DNAAF9: variants seen among roughly 807,000 people sequenced by gnomAD.
The protein encoded by DNAAF9 is dynein axonemal assembly factor 9.
A neutral mutation model predicts 167.0 loss-of-function variants in DNAAF9; 90 were observed. That is an observed-to-expected ratio of 0.54 (90% CI 0.45 to 0.64). The LOEUF is 0.64. DNAAF9 is among the 30% of genes least tolerant of loss of function. DNAAF9 has a pLI of 0.00. For synonymous variants in DNAAF9, 491 were observed against 508.8 expected (o/e 0.96, Z 0.47); for missense variants, 1,315 against 1,442.2 (o/e 0.91, Z 1.43).
At chr20:3,302,747 G>C (rs1456276356) in intron 21 of DNAAF9, among the ~76,000 whole-genome samples, 1 of 152,100 alleles carries the variant, frequency 6.6e-6, no homozygotes, top group Non-Finnish European at 1.5e-5. Context: ...CTAATATATA[G>C]GGACAAAAGC....
At chr20:3,325,553 C>T (rs2069695404) in intron 13 of DNAAF9, among the ~76,000 whole-genome samples, 1 of 152,212 alleles carries the variant, frequency 6.6e-6, no homozygotes, top group Non-Finnish European at 1.5e-5. Flanking sequence ...ACTACAGCTA[C>T]AGTCTCTCTG....
intron 1 of DNAAF9, among the ~76,000 whole-genome samples, chr20:3,403,823 A>G (rs2084019963): frequency 6.6e-6 from 1 of 151,906 alleles, no homozygotes; most frequent in Non-Finnish European, 1.5e-5. Flanking sequence ...AAATTAATCA[A>G]TTTATGTTTT....
At chr20:3,307,907 A>G (rs762684018) in intron 20 of DNAAF9, among the ~76,000 whole-genome samples, 15 of 151,030 alleles carry the variant, frequency 9.9e-5, no homozygotes, top group Non-Finnish European at 1.6e-4. Flanking sequence ...TTTATGATGC[A>G]ATGGCTAGAT....
At chr20:3,299,807 T>G (rs1004884001) in intron 21 of DNAAF9, among the ~76,000 whole-genome samples, 13 of 152,178 alleles carry the variant, frequency 8.5e-5, no homozygotes, top group African/African-American at 2.9e-4. Context: ...AATAAGAAAA[T>G]GCATGTGTTA....
At chr20:3,320,591 C>CA (rs1340354173) in intron 16 of DNAAF9, among the ~76,000 whole-genome samples, 1 of 152,100 alleles carries the variant, frequency 6.6e-6, no homozygotes, top group African/African-American at 2.4e-5. Context: ...GAAAGTATTT[C>CA]CCAATGTTTT....
chr20:3,289,994 CA>C, intron 26 of DNAAF9, 134 bp downstream of exon 26: 1 of 683,326 alleles, frequency 1.5e-6, no homozygotes, highest in Non-Finnish European at 2.7e-6. Context: ...CTCAGAAGAG[CA>C]TATTAAATGA....
At chr20:3,336,560 T>C (rs2069954715) in intron 10 of DNAAF9, among the ~76,000 whole-genome samples, 1 of 152,154 alleles carries the variant, frequency 6.6e-6, no homozygotes, top group Admixed American at 6.6e-5. Context: ...GTTATTTATT[T>C]ATTTTTGAGA....
chr20:3,315,142 CA>C lies in DNAAF9; in HGVS notation c.1591-23del. ...CCCCCTTTAAAAACAACAACAAAAA[CA>C]AAAATCCAAAAAAGAATAGGTGATT... On this transcript the variant is annotated intron_variant, in intron 19 of 36. Transcript: ENST00000252032. The surrounding 1 kb of genome is among the most constrained non-coding windows in gnomAD (Gnocchi z 4.1). 1 of 1,382,862 alleles carries C rather than the reference CA, an allele frequency of 7.2e-7. No individual in the cohort carries two copies. Among genetic ancestry groups the C allele is most frequent in the Non-Finnish European group, 1.0e-6 (1 of 972,446 alleles). The allele number at this position is 1,382,862 out of a possible 1,614,324, so 85.7% of individuals were successfully genotyped here. A position where few individuals can be genotyped will look rare whatever the true frequency, so the allele number is the denominator to read the frequency against.
chr20:3,336,845 T>C (rs1017956992), intron 10 of DNAAF9, among the ~76,000 whole-genome samples: 4 of 151,762 alleles, frequency 2.6e-5, no homozygotes, highest in African/African-American at 9.7e-5. Context: ...GCCTGGTCTA[T>C]TTTTACTTTA....
chr20:3,361,912 G>A (rs1267542407), intron 6 of DNAAF9: 1 of 1,503,370 alleles, frequency 6.7e-7, no homozygotes, highest in Admixed American at 1.7e-5. Context: ...TCAGGTGGCT[G>A]AGGGAGTTTC....
chr20:3,310,333 A>AAAAGCAAGAAAAAAGAAAGAAAG (rs2069384205), intron 20 of DNAAF9, among the ~76,000 whole-genome samples: 1 of 106,098 alleles, frequency 9.4e-6, no homozygotes, highest in African/African-American at 3.7e-5. Flanking sequence ...AAGAGAAAGA[A>AAAAGCAAGAAAAAAGAAAGAAAG]AAAGAAAGAA....
At chr20:3,379,575 G>A (rs1218765326) in intron 3 of DNAAF9, among the ~76,000 whole-genome samples, 7 of 151,990 alleles carry the variant, frequency 4.6e-5, no homozygotes, top group African/African-American at 1.5e-4. Context: ...GTGATAGAGC[G>A]AGACTCTGTC....
chr20:3,297,506 A>T (rs1029096847), intron 22 of DNAAF9, among the ~76,000 whole-genome samples: 1 of 152,186 alleles, frequency 6.6e-6, no homozygotes, highest in East Asian at 1.9e-4. Context: ...CACCTTTCCA[A>T]GAATTCCCAC....
At chr20:3,317,946 T>C (rs1025117815) in intron 17 of DNAAF9, among the ~76,000 whole-genome samples, 2 of 152,188 alleles carry the variant, frequency 1.3e-5, no homozygotes, top group African/African-American at 2.4e-5. Flanking sequence ...TCTTCATTTA[T>C]AAATAGTCCT....
chr20:3,349,859 C>T (rs777167848), intron 7 of DNAAF9, among the ~76,000 whole-genome samples: 1 of 152,092 alleles, frequency 6.6e-6, no homozygotes, highest in Non-Finnish European at 1.5e-5. Context: ...TCAAATTGGA[C>T]AGTCATCTTC....
chr20:3,304,350 G>C, intron 21 of DNAAF9, 90 bp downstream of exon 21: 6 of 740,922 alleles, frequency 8.1e-6, no homozygotes, highest in Admixed American at 4.0e-5. Flanking sequence ...CCCTGTGGTA[G>C]TGGAGGGGAG....
intron 1 of DNAAF9, among the ~76,000 whole-genome samples, chr20:3,394,805 G>A (rs77303295): frequency 0.043 from 6,580 of 151,818 alleles, 205 homozygotes; most frequent in African/African-American, 0.089. Flanking sequence ...GGAATACTGC[G>A]CTTAAAAAAA....
intron 1 of DNAAF9, among the ~76,000 whole-genome samples, chr20:3,397,192 A>G (rs2123293925): frequency 6.6e-6 from 1 of 151,784 alleles, no homozygotes; most frequent in South Asian, 2.1e-4. Context: ...GGTTGCTGTC[A>G]GTGGAGATCA....
At chr20:3,340,433 T>TCCCTCCCCC in intron 10 of DNAAF9, 71 bp downstream of exon 10, 2 of 221,214 alleles carry the variant, frequency 9.0e-6, no homozygotes, top group South Asian at 5.9e-5. Flanking sequence ...TTTGTCTAGC[T>TCCCTCCCCC]CCCCCCACCC....
Sources: gnomAD v4.1 joint callset for allele counts (sites outside exome capture counted in the v4.1 genomes callset) on GRCh38, gnomAD v4.1.1 for gene constraint, Gnocchi (gnomAD v3.1) non-coding constraint, MANE v1.5 for transcripts, NCBI Gene and HGNC (gene_info 2026-07-23, HGNC 2026-07-21) for gene names.